Variants in TESC observed in about 807,000 individuals in gnomAD.
TESC encodes the protein calcineurin B homologous protein 3.
A neutral mutation model predicts 31.0 loss-of-function variants in TESC; 19 were observed. That is an observed-to-expected ratio of 0.61 (90% CI 0.43 to 0.90). The LOEUF is 0.90. TESC is among the 40% of genes least tolerant of loss of function. TESC has a pLI of 0.00. For missense variants in TESC, 248 were observed against 303.8 expected, an observed-to-expected ratio of 0.82 and a Z score of 1.36; for synonymous variants, 109 against 114.8, an observed-to-expected ratio of 0.95 and a Z score of 0.32.
At chr12:117,071,312 C>T (rs1190503927) in intron 2 of TESC, among the ~76,000 whole-genome samples, 1 of 152,182 alleles carries the variant, frequency 6.6e-6, no homozygotes, top group Admixed American at 6.5e-5. Flanking sequence ...GCACTTTGGC[C>T]AAGGAAAAAG....
chr12:117,044,882 G>T (rs558470800), intron 6 of TESC, among the ~76,000 whole-genome samples: 3 of 151,238 alleles, frequency 2.0e-5, no homozygotes, highest in Non-Finnish European at 4.4e-5. Flanking sequence ...GGGCGGCAGA[G>T]TAAGACTTGG....
At chr12:117,045,044 T>C (rs1450542426) in intron 6 of TESC, among the ~76,000 whole-genome samples, 1 of 152,192 alleles carries the variant, frequency 6.6e-6, no homozygotes, top group East Asian at 1.9e-4. Flanking sequence ...CTGGGAGGGA[T>C]TGAACCGACG....
intron 6 of TESC, 48 bp from the exon 7 acceptor site, chr12:117,042,042 A>G: frequency 6.4e-7 from 1 of 1,559,296 alleles, no homozygotes; most frequent in South Asian, 1.2e-5. Flanking sequence ...AGGTCCCCAC[A>G]CAGCTTCCGC....
intron 3 of TESC, among the ~76,000 whole-genome samples, chr12:117,055,530 G>C (rs530825069): frequency 3.3e-5 from 5 of 152,338 alleles, no homozygotes; most frequent in South Asian, 2.1e-4. Context: ...ACATCCCTGT[G>C]CTGTCCCCTC....
intron 3 of TESC, among the ~76,000 whole-genome samples, chr12:117,052,133 G>C (rs1393519206): frequency 6.6e-6 from 1 of 151,952 alleles, no homozygotes; most frequent in Non-Finnish European, 1.5e-5. Flanking sequence ...AGAAAACAGG[G>C]GCTACATCTA....
chr12:117,055,559 T>G (rs751838273), intron 3 of TESC, among the ~76,000 whole-genome samples: 2 of 152,206 alleles, frequency 1.3e-5, no homozygotes, highest in African/African-American at 2.4e-5. Flanking sequence ...GGTGACCTAG[T>G]GACTCACTTC....
intron 1 of TESC, among the ~76,000 whole-genome samples, chr12:117,075,925 A>G (rs58193714): frequency 0.041 from 3,350 of 80,938 alleles, 248 homozygotes; most frequent in African/African-American, 0.11. Flanking sequence ...GTGTGTGTGT[A>G]TATATATATA....
rs115117976 is a variant in TESC at position 117,097,076 on chromosome 12, G to A, written c.58+2149C>T. ...CCCCTCCAGGAACAGCAGCCTCTCCGAGTCATCTCTAAATCCCCAGCCCCT... is the reference window on the plus strand; with the variant it reads ...CCCCTCCAGGAACAGCAGCCTCTCCAAGTCATCTCTAAATCCCCAGCCCCT... On this transcript the variant is annotated intron_variant, in intron 1 of 7. Coordinates refer to ENST00000335209, the MANE Select transcript of TESC (RefSeq NM_017899.4). 1.9e-3 allele frequency among the ~76,000 whole-genome samples: 289 copies of A among 152,260 alleles called. 1 individual carries two copies. The highest frequency in any genetic ancestry group is 6.7e-3 in the African/African-American group (280 of 41,538).
chr12:117,097,767 C>T (rs1305745844), intron 1 of TESC, among the ~76,000 whole-genome samples: 1 of 152,168 alleles, frequency 6.6e-6, no homozygotes, highest in East Asian at 1.9e-4. Context: ...CACCAAGCAT[C>T]CATTCGTACT....
intron 6 of TESC, 200 bp downstream of exon 6, chr12:117,046,359 C>G (rs1363763575): frequency 1.7e-6 from 1 of 602,372 alleles, no homozygotes; most frequent in African/African-American, 1.9e-5. Flanking sequence ...TGCTTCCCTG[C>G]CTTATGCAGC....
chr12:117,066,606 C>A (rs183996968), intron 2 of TESC, among the ~76,000 whole-genome samples: 1 of 152,076 alleles, frequency 6.6e-6, no homozygotes, highest in African/African-American at 2.4e-5. Flanking sequence ...ACCTCGTGAT[C>A]CGCCCGCCTC....
chr12:117,071,000 A>G (rs902843904), intron 2 of TESC, among the ~76,000 whole-genome samples: 4 of 152,150 alleles, frequency 2.6e-5, no homozygotes, highest in African/African-American at 9.7e-5. Flanking sequence ...AAGTAACACA[A>G]TCCTGCTGTG....
chr12:117,050,321 T>C (rs916006836), intron 3 of TESC, among the ~76,000 whole-genome samples: 1 of 152,204 alleles, frequency 6.6e-6, no homozygotes, highest in African/African-American at 2.4e-5. Flanking sequence ...ATTTACTCCT[T>C]GTCTTTTTAC....
chr12:117,086,983 T>C (rs1159495070), intron 1 of TESC, among the ~76,000 whole-genome samples: 2 of 152,144 alleles, frequency 1.3e-5, no homozygotes, highest in African/African-American at 2.4e-5. Context: ...TGACTAACCC[T>C]GGGCCTTGGG....
intron 2 of TESC, among the ~76,000 whole-genome samples, chr12:117,067,759 G>C (rs768764416): frequency 9.9e-5 from 15 of 152,180 alleles, no homozygotes; most frequent in Non-Finnish European, 1.8e-4. Flanking sequence ...TTCAGCCTCA[G>C]TTGCTTAATC....
chr12:117,056,976 T>G (rs1954735654), intron 2 of TESC, 90 bp from the exon 3 acceptor site: 1 of 1,350,162 alleles, frequency 7.4e-7, no homozygotes, highest in African/African-American at 1.4e-5. Flanking sequence ...AAGCTGTATT[T>G]TGGATCCCTA....
At chr12:117,069,768 C>G (rs1474782831) in intron 2 of TESC, among the ~76,000 whole-genome samples, 2 of 152,236 alleles carry the variant, frequency 1.3e-5, no homozygotes, top group Non-Finnish European at 2.9e-5. Flanking sequence ...AAGCTATATT[C>G]AATTTGTCAA....
At chr12:117,095,409 C>CG (rs1221723122) in intron 1 of TESC, among the ~76,000 whole-genome samples, 1 of 152,020 alleles carries the variant, frequency 6.6e-6, no homozygotes, top group Non-Finnish European at 1.5e-5. Flanking sequence ...GAAAGGCTCC[C>CG]GTACGTAAAC....
In TESC at chr12:117,067,145, A is replaced by AT. The variant is rs1157366917; in HGVS notation, c.128+8125dup. Among the ~76,000 whole-genome samples, 5 of 152,126 alleles carry AT rather than the reference A, an allele frequency of 3.3e-5. No homozygotes were observed. In the East Asian group the frequency reaches 9.6e-4, roughly 29 times the overall value. ...TTTCCTCTTTAAGTGAACGTGCATC[A>AT]TCCTAGCTGAGGCTTTTAAAGGGAG... On this transcript the variant is annotated intron_variant, in intron 2 of 7. Transcript: ENST00000335209.
Sources: gnomAD v4.1 joint callset for allele counts (sites outside exome capture counted in the v4.1 genomes callset) on GRCh38, gnomAD v4.1.1 for gene constraint, MANE v1.5 for transcripts, NCBI Gene and HGNC (gene_info 2026-07-23, HGNC 2026-07-21) for gene names.